Variants in HSF2BP observed in about 807,000 individuals in gnomAD.
HSF2BP encodes the protein heat shock factor 2-binding protein.
In HSF2BP, 35 loss-of-function variants were observed where a neutral mutation model predicts 35.0. The ratio of observed to expected loss-of-function variants is 1.00; its 90% CI spans 0.76 to 1.32. HSF2BP has a LOEUF of 1.32. Among genes scored for constraint, HSF2BP ranks in the 40% most tolerant of loss-of-function variants. HSF2BP has a pLI of 0.00. For missense variants in HSF2BP, 326 were observed against 321.7 expected, an observed-to-expected ratio of 1.01 and a Z score of -0.10; for synonymous variants, 114 against 117.4, an observed-to-expected ratio of 0.97 and a Z score of 0.18.
chr21:43,603,508 C>A (rs1345388989), intron 7 of HSF2BP, among the ~76,000 whole-genome samples: 1 of 152,252 alleles, frequency 6.6e-6, no homozygotes, highest in Non-Finnish European at 1.5e-5. Flanking sequence ...ACTGCCGCAG[C>A]CTTGGCTGAC....
rs143674842 is a variant in HSF2BP, at chr21:43,647,894, G to A, written c.188-3502C>T. Among the ~76,000 whole-genome samples the A allele has an allele frequency of 1.3e-3, 181 of 144,592 alleles. 1 individual carries two copies. The highest frequency in any genetic ancestry group is 7.1e-3 in the East Asian group (35 of 4,912). 94.9% of individuals were successfully genotyped at this position (144,592 alleles called of 152,430 possible). On this transcript the variant is annotated intron_variant, in intron 3 of 8. Coordinates refer to ENST00000291560, the MANE Select transcript of HSF2BP (RefSeq NM_007031.2). ...CAGTGAGCCAAGATCACGCCAGTGC[G>A]CTCCAGCCTGGGCGACAGAGCAAGA...
At chr21:43,574,543 G>A (rs550789525) in intron 8 of HSF2BP, among the ~76,000 whole-genome samples, 1 of 152,212 alleles carries the variant, frequency 6.6e-6, no homozygotes, top group East Asian at 1.9e-4. Context: ...ATTTTTAGTA[G>A]AGACAGGGTT....
At chr21:43,577,881 C>T (rs979282349) in intron 8 of HSF2BP, among the ~76,000 whole-genome samples, 1 of 152,150 alleles carries the variant, frequency 6.6e-6, no homozygotes, top group Non-Finnish European at 1.5e-5. Flanking sequence ...CTGTGATATT[C>T]CCCTGCCCTT....
At chr21:43,632,277 CACA>C (rs2082484247) in intron 5 of HSF2BP, among the ~76,000 whole-genome samples, 1 of 73,426 alleles carries the variant, frequency 1.4e-5, no homozygotes, top group African/African-American at 5.7e-5. Flanking sequence ...ACGCTCCCCC[CACA>C]CACACACACA....
At position 43,612,650 on chromosome 21, in the gene HSF2BP, CAAAAAAAAA is replaced by C. The variant is rs762585967; in HGVS notation, c.692+1171_692+1179del. The stretch of plus-strand genomic sequence containing the variant: ...CGGGTGACAGAGCAAGACTCCGTCT[CAAAAAAAAA>C]AAAAAAAAAAAAAGTGCTCCACAGC... On this transcript the variant is annotated intron_variant, in intron 7 of 8. Transcript: ENST00000291560. 4.6e-3 allele frequency among the ~76,000 whole-genome samples: 354 copies of C among 76,508 alleles called. 5 individuals are homozygous for C. Among genetic ancestry groups the C allele is most frequent in the African/African-American group, 0.017 (335 of 19,870 alleles). The allele number at this position is 76,508 out of a possible 152,430, so 50.2% of individuals were successfully genotyped here.
chr21:43,611,122 G>C (rs1371001834), intron 7 of HSF2BP, among the ~76,000 whole-genome samples: 1 of 152,092 alleles, frequency 6.6e-6, no homozygotes, highest in Non-Finnish European at 1.5e-5. Flanking sequence ...GGCATGCACT[G>C]ACGGTCCCAG....
chr21:43,658,032 C>A (rs1274057192), intron 2 of HSF2BP, 29 bp downstream of exon 2: 3 of 1,535,608 alleles, frequency 2.0e-6, no homozygotes, highest in Non-Finnish European at 2.6e-6. Context: ...TTCAAACACG[C>A]TGGCGTCGGC....
chr21:43,587,028 G>C (rs574304721), intron 8 of HSF2BP, among the ~76,000 whole-genome samples: 5 of 152,182 alleles, frequency 3.3e-5, no homozygotes, highest in African/African-American at 1.2e-4. Context: ...TTATCTCTTA[G>C]TCCTAAGCAG....
At chr21:43,624,489 C>T (rs1339133570) in intron 6 of HSF2BP, among the ~76,000 whole-genome samples, 1 of 152,154 alleles carries the variant, frequency 6.6e-6, no homozygotes, top group Admixed American at 6.5e-5. Flanking sequence ...CTGGCCTTTT[C>T]TGCACGCCAC....
chr21:43,625,265 G>T (rs558280022), intron 6 of HSF2BP, among the ~76,000 whole-genome samples: 5 of 151,952 alleles, frequency 3.3e-5, no homozygotes, highest in Non-Finnish European at 5.9e-5. Flanking sequence ...GAAAAATGAC[G>T]AAAGACAACA....
intron 7 of HSF2BP, among the ~76,000 whole-genome samples, chr21:43,604,954 C>CCA (rs1168153494): frequency 6.9e-6 from 1 of 145,696 alleles, no homozygotes; most frequent in African/African-American, 2.5e-5. Flanking sequence ...ACACCATACA[C>CCA]CACACACACA....
At chr21:43,632,889 G>GTGTA (rs1459928923) in intron 5 of HSF2BP, among the ~76,000 whole-genome samples, 1 of 150,934 alleles carries the variant, frequency 6.6e-6, no homozygotes, top group Non-Finnish European at 1.5e-5. Flanking sequence ...GTGTGTGTGT[G>GTGTA]TGTATGTATA....
At chr21:43,592,918 G>A (rs940540009) in intron 7 of HSF2BP, among the ~76,000 whole-genome samples, 4 of 152,152 alleles carry the variant, frequency 2.6e-5, no homozygotes, top group Non-Finnish European at 4.4e-5. Flanking sequence ...TCTGATGAAA[G>A]TCAGAAACTA....
chr21:43,643,843 T>G (rs1229178259), intron 4 of HSF2BP, among the ~76,000 whole-genome samples: 7 of 151,866 alleles, frequency 4.6e-5, no homozygotes, highest in Admixed American at 2.6e-4. Context: ...CTGTCCCATC[T>G]ACTCGGGAGG....
At chr21:43,622,405 A>G (rs538102757) in intron 6 of HSF2BP, among the ~76,000 whole-genome samples, 1 of 152,268 alleles carries the variant, frequency 6.6e-6, no homozygotes, top group South Asian at 2.1e-4. Flanking sequence ...AAGAAACAAG[A>G]CTTAACTACA....
At chr21:43,616,204 T>C (rs2082268735) in intron 6 of HSF2BP, among the ~76,000 whole-genome samples, 2 of 152,106 alleles carry the variant, frequency 1.3e-5, no homozygotes, top group African/African-American at 4.8e-5. Flanking sequence ...CGCAGCAGAA[T>C]GCACACCATG....
intron 5 of HSF2BP, 153 bp downstream of exon 5, chr21:43,633,119 C>G: frequency 2.8e-6 from 2 of 724,880 alleles, no homozygotes; most frequent in South Asian, 5.3e-5. Context: ...TACAATGAAC[C>G]ATATACGATA....
chr21:43,597,622 G>C lies in HSF2BP; in HGVS notation c.693-5294C>G, dbSNP rs2082002700. Among the ~76,000 whole-genome samples the C allele has an allele frequency of 6.6e-6, 1 of 152,184 alleles. No homozygotes were observed. Among genetic ancestry groups the C allele is most frequent in the South Asian group, 2.1e-4 (1 of 4,828 alleles). On this transcript the variant is annotated intron_variant, in intron 7 of 8. Coordinates refer to ENST00000291560, the MANE Select transcript of HSF2BP (RefSeq NM_007031.2). This position sits in a 1 kb window ranked among gnomAD's most constrained non-coding sequence, Gnocchi z 4.3. ...TGCCACCTAGAATTCCTGGGCTCAA[G>C]CAATTCTCCTGCCTCAGCCTCCTGA...
intron 3 of HSF2BP, among the ~76,000 whole-genome samples, chr21:43,648,126 TTC>T (rs977424321): frequency 1.3e-5 from 2 of 152,118 alleles, no homozygotes; most frequent in Non-Finnish European, 2.9e-5. Flanking sequence ...CCTTGCCACC[TTC>T]TCTGTCCATA....
Sources: gnomAD v4.1 joint callset for allele counts (sites outside exome capture counted in the v4.1 genomes callset) on GRCh38, gnomAD v4.1.1 for gene constraint, Gnocchi (gnomAD v3.1) non-coding constraint, MANE v1.5 for transcripts, NCBI Gene and HGNC (gene_info 2026-07-23, HGNC 2026-07-21) for gene names.